Variants in AP3B1 observed in about 807,000 individuals in gnomAD.
AP3B1 encodes the protein adaptor related protein complex 3 subunit beta 1.
In AP3B1, 61 loss-of-function variants were observed where a neutral mutation model predicts 132.5. That is an observed-to-expected ratio of 0.46 (90% CI 0.37 to 0.57). The LOEUF (loss-of-function observed/expected upper bound fraction) is 0.57. AP3B1 is among the 20% of genes least tolerant of loss of function. AP3B1 has a pLI of 0.00. For missense variants in AP3B1, 1,120 were observed against 1,289.4 expected, an observed-to-expected ratio of 0.87 and a Z score of 2.01; for synonymous variants, 388 against 438.3, an observed-to-expected ratio of 0.89 and a Z score of 1.43.
At chr5:78,006,562 C>T (rs1198742962) in intron 26 of AP3B1, among the ~76,000 whole-genome samples, 4 of 152,120 alleles carry the variant, frequency 2.6e-5, no homozygotes, top group African/African-American at 7.2e-5. Flanking sequence ...TAAAGAGACA[C>T]CAGCAATGAA....
intron 24 of AP3B1, among the ~76,000 whole-genome samples, chr5:78,026,145 T>A (rs1181930909): frequency 6.6e-6 from 1 of 152,230 alleles, no homozygotes; most frequent in African/African-American, 2.4e-5. Flanking sequence ...TACACATAAC[T>A]GCCTCAACTT....
chr5:78,227,391 C>A lies in AP3B1; in HGVS notation c.517G>T (p.Ala173Ser). Residue 173 changes from alanine to serine, a missense_variant, in exon 5 of 27, where the codon GCA becomes TCA. Around this residue, in one of 3 missense-constraint regions of AP3B1, gnomAD observed 129 missense variants for 212.4 expected, o/e 0.61. Coordinates refer to ENST00000255194, the MANE Select transcript of AP3B1 (RefSeq NM_003664.5). Reference sequence around the variant, plus strand: ...ACCTACCTGTATAATTTTTGTATTGCATGGGCTGCATTCTTCCTAACATAT... The same window carrying A: ...ACCTACCTGTATAATTTTTGTATTGAATGGGCTGCATTCTTCCTAACATAT... ...SPYVRKNAAH[A>S]IQKLYSLDPE... 7 of 1,613,508 alleles carry A rather than the reference C, an allele frequency of 4.3e-6. No homozygotes were observed. Among genetic ancestry groups the A allele is most frequent in the Non-Finnish European group, 5.9e-6 (7 of 1,179,638 alleles).
At chr5:78,154,568 A>C (rs1255071491) in intron 14 of AP3B1, among the ~76,000 whole-genome samples, 1 of 152,118 alleles carries the variant, frequency 6.6e-6, no homozygotes, top group Non-Finnish European at 1.5e-5. Flanking sequence ...TTCCTCTGTA[A>C]CACCAATATC....
chr5:78,264,755 A>G lies in AP3B1; in HGVS notation c.204+2765T>C, dbSNP rs139815279. Among the ~76,000 whole-genome samples the G allele has an allele frequency of 1.2e-3, 183 of 152,362 alleles. No homozygotes were observed. In the Middle Eastern group the frequency reaches 0.037, roughly 31 times the overall value. On this transcript the variant is annotated intron_variant, in intron 2 of 26. Coordinates refer to ENST00000255194, the MANE Select transcript of AP3B1 (RefSeq NM_003664.5). ...CAGTCCGTCTGGAAAGATTTATACA[A>G]AACTATTTATTACAGTCATTAACTC...
intron 19 of AP3B1, among the ~76,000 whole-genome samples, chr5:78,110,684 C>CTG (rs144921350): frequency 0.23 from 32,715 of 143,388 alleles, 3,587 homozygotes; most frequent in Admixed American, 0.31. Flanking sequence ...AATACTGTGC[C>CTG]TGTGTGTGTG....
chr5:78,249,264 G>T (rs2112532993), intron 2 of AP3B1, among the ~76,000 whole-genome samples: 1 of 152,234 alleles, frequency 6.6e-6, no homozygotes, highest in East Asian at 1.9e-4. Context: ...CTACTCAGGA[G>T]ACTGAAGCAG....
intron 26 of AP3B1, among the ~76,000 whole-genome samples, chr5:78,008,511 G>C (rs1746489378): frequency 6.6e-6 from 1 of 152,050 alleles, no homozygotes; most frequent in Non-Finnish European, 1.5e-5. Flanking sequence ...TGATGCTCAG[G>C]GCCTGCAGAG....
At chr5:78,124,773 A>C (rs1752390406) in intron 17 of AP3B1, among the ~76,000 whole-genome samples, 1 of 152,192 alleles carries the variant, frequency 6.6e-6, no homozygotes. Context: ...TATATTTGGT[A>C]AACTCTGAAG....
intron 22 of AP3B1, among the ~76,000 whole-genome samples, chr5:78,061,133 AG>A (rs1372717816): frequency 2.0e-5 from 3 of 151,256 alleles, no homozygotes; most frequent in African/African-American, 7.3e-5. Flanking sequence ...GGTCAAACAT[AG>A]AAAAAAAAAA....
intron 7 of AP3B1, among the ~76,000 whole-genome samples, chr5:78,205,126 T>C (rs371918106): frequency 2.6e-5 from 4 of 152,068 alleles, no homozygotes; most frequent in Non-Finnish European, 5.9e-5. Flanking sequence ...AAACCCAAAA[T>C]GACATAAAAC....
In AP3B1 at chr5:78,128,111, T is replaced by C. The variant is rs761581400; in HGVS notation, c.1887A>G (p.Lys629=). The C allele has an allele frequency of 2.5e-6, 4 of 1,612,816 alleles. No homozygotes were observed. The African/African-American group carries it at 5.3e-5, about 22-fold the overall frequency. The change falls in exon 17 of 27, where the codon AAA becomes AAG. Residue 629 remains lysine (K), a synonymous_variant. Coordinates refer to ENST00000255194, the MANE Select transcript of AP3B1 (RefSeq NM_003664.5). ...TAGATAATTCCAGGTACCCAGTAGC[T>C]TTAATGTTGAGAGTATGAGATAAGG... ...LGTLSHTLNI[K]ATGYLELSNW...
intron 22 of AP3B1, among the ~76,000 whole-genome samples, chr5:78,049,317 TTATTTC>T (rs1748479214): frequency 6.6e-6 from 1 of 152,192 alleles, no homozygotes; most frequent in Admixed American, 6.5e-5. Context: ...AAGAACACCG[TTATTTC>T]AAACACAAAG....
rs745653147 is a variant in AP3B1 at position 78,020,737 on chromosome 5, G to T, written c.2947C>A (p.Leu983Ile). The T allele has an allele frequency of 5.6e-6, 9 of 1,612,696 alleles. No homozygotes were observed. In the Admixed American group the frequency reaches 1.5e-4, roughly 27 times the overall value. The change falls in exon 25 of 27, where the codon CTT becomes ATT. Residue 983 changes from leucine (L) to isoleucine (I), a missense_variant. Physicochemically the swap from Leu to Ile is conservative, Grantham distance 5. Coordinates refer to ENST00000255194, the MANE Select transcript of AP3B1 (RefSeq NM_003664.5). ...TTCTCTGACATGGCCACAGGTAAAA[G>T]CAGTTCTCCAACAGGTGGCTGAATA... ...VNIQPPVGELLLPVAMSEKDF... is the reference protein window; with the variant it reads ...VNIQPPVGELILPVAMSEKDF...
At chr5:78,243,048 T>C (rs1368647476) in intron 2 of AP3B1, among the ~76,000 whole-genome samples, 1 of 152,234 alleles carries the variant, frequency 6.6e-6, no homozygotes, top group Non-Finnish European at 1.5e-5. Context: ...ATAAGAACTT[T>C]CTATATGATA....
intron 7 of AP3B1, among the ~76,000 whole-genome samples, chr5:78,195,026 T>C (rs768615711): frequency 2.2e-4 from 33 of 151,190 alleles, no homozygotes; most frequent in Non-Finnish European, 4.0e-4. Flanking sequence ...ATACTTTTTT[T>C]AGTTTCTTTA....
chr5:78,294,527 G>A lies in AP3B1; in HGVS notation c.53C>T (p.Thr18Met), dbSNP rs764863120. 6.2e-7 allele frequency: 1 copy of A among 1,614,222 alleles called. No individual in the cohort carries two copies. The highest frequency in any genetic ancestry group is 1.1e-5 in the South Asian group (1 of 91,090). Residue 18 changes from threonine to methionine, a missense_variant, in exon 1 of 27, where the codon ACG (threonine) becomes ATG (methionine). Physicochemically the swap from Thr to Met is moderately conservative, Grantham distance 81 (BLOSUM62 -1). This residue lies in a region of AP3B1 where 85 missense variants were observed against 79.9 expected (regional missense o/e 1.06). Transcript: ENST00000255194. ...YNEQSGGGEA[T>M]ELGQEATSTI... ...TGAGGTCGCCTCCTGACCCAGCTCC[G>A]TCGCCTCCCCTCCTCCGGACTGCTC...
rs1210111088 is a variant in AP3B1, at chr5:78,100,859, T to G, written c.2470+94A>C. 5.6e-6 allele frequency: 4 copies of G among 717,546 alleles called. No individual in the cohort carries two copies. The African/African-American group carries it at 7.2e-5, about 13-fold the overall frequency. 44.4% of individuals were successfully genotyped at this position (717,546 alleles called of 1,614,324 possible). ...TCTATAAGTCTTTCACAATAAATAT[T>G]GATATATTTTGGGACATGTAAATGA... On this transcript the variant is annotated intron_variant, in intron 21 of 26. Coordinates refer to ENST00000255194, the MANE Select transcript of AP3B1 (RefSeq NM_003664.5).
intron 22 of AP3B1, among the ~76,000 whole-genome samples, chr5:78,076,452 C>T (rs1749771848): frequency 6.6e-6 from 1 of 152,158 alleles, no homozygotes; most frequent in Admixed American, 6.6e-5. Flanking sequence ...TTGGAATTTC[C>T]CCAGTGATAA....
In AP3B1 at chr5:78,056,029, A is replaced by T. The variant is rs140211137; in HGVS notation, c.2578-16755T>A. On this transcript the variant is annotated intron_variant, in intron 22 of 26. Coordinates refer to ENST00000255194, the MANE Select transcript of AP3B1 (RefSeq NM_003664.5). ...TTCCTCAGGATTATTTGTTAATAAA[A>T]TTTCTACTAGATACCTACCTTCAGT... is the stretch of plus-strand genomic sequence containing the variant. Among the ~76,000 whole-genome samples the T allele has an allele frequency of 2.0e-5, 3 of 152,330 alleles. No homozygotes were observed. The East Asian group carries it at 5.8e-4, about 29-fold the overall frequency.
Sources: gnomAD v4.1 joint callset for allele counts (sites outside exome capture counted in the v4.1 genomes callset) on GRCh38, gnomAD v4.1.1 for gene constraint, gnomAD v4.1.1 regional missense constraint, MANE v1.5 for transcripts, NCBI Gene and HGNC (gene_info 2026-07-23, HGNC 2026-07-21) for gene names.